Variants in ACTR3 observed in about 807,000 individuals in gnomAD.
ACTR3 encodes actin related protein 3, also known as actin-related protein 3.
ACTR3 carries 12 observed loss-of-function variants against 56.8 expected under a neutral mutation model. That is an observed-to-expected ratio of 0.21 (90% CI 0.14 to 0.34). The LOEUF is 0.34. Ranked by LOEUF, ACTR3 falls within the 10% of genes least tolerant of loss-of-function variation. The probability of loss-of-function intolerance (pLI) is 1.00; values close to 1 mark genes in which losing one functional copy is unlikely to be tolerated. For missense variants in ACTR3, 282 were observed against 512.5 expected, an observed-to-expected ratio of 0.55 and a Z score of 4.34; for synonymous variants, 162 against 167.4, an observed-to-expected ratio of 0.97 and a Z score of 0.25.
At chr2:113,899,100 T>C (rs1393804652) in intron 1 of ACTR3, among the ~76,000 whole-genome samples, 1 of 152,176 alleles carries the variant, frequency 6.6e-6, no homozygotes, top group Admixed American at 6.5e-5. Context: ...GAGGTCTTAG[T>C]GACCAGTTCA....
chr2:113,939,471 T>C (rs1476039928), intron 6 of ACTR3, among the ~76,000 whole-genome samples: 1 of 152,252 alleles, frequency 6.6e-6, no homozygotes, highest in African/African-American at 2.4e-5. Flanking sequence ...GTTATACTTC[T>C]GACACATCAG....
chr2:113,935,372 T>A (rs1679808291), intron 6 of ACTR3, among the ~76,000 whole-genome samples: 1 of 152,188 alleles, frequency 6.6e-6, no homozygotes, highest in African/African-American at 2.4e-5. Context: ...TCCCCTTGAT[T>A]CCTTCAGCCC....
chr2:113,933,939 C>T (rs1366461407), intron 5 of ACTR3: 1 of 182,580 alleles, frequency 5.5e-6, no homozygotes, highest in East Asian at 1.8e-4. Flanking sequence ...CTCGGCCTCC[C>T]AAAGTGCTGG....
At chr2:113,908,820 G>A (rs1381454921) in intron 1 of ACTR3, among the ~76,000 whole-genome samples, 2 of 151,980 alleles carry the variant, frequency 1.3e-5, no homozygotes, top group African/African-American at 4.8e-5. Flanking sequence ...TGAAGGTTGA[G>A]CCTTCAAAAC....
At chr2:113,945,936 C>T (rs1469266688) in intron 8 of ACTR3, among the ~76,000 whole-genome samples, 1 of 152,196 alleles carries the variant, frequency 6.6e-6, no homozygotes, top group African/African-American at 2.4e-5. Context: ...AGGATAATGG[C>T]CCCCAGCTCC....
chr2:113,941,386 T>A (rs772924773), intron 7 of ACTR3, among the ~76,000 whole-genome samples: 1 of 152,230 alleles, frequency 6.6e-6, no homozygotes, highest in African/African-American at 2.4e-5. Flanking sequence ...ATCATTTCTT[T>A]GTCATTCTCA....
intron 5 of ACTR3, among the ~76,000 whole-genome samples, chr2:113,932,005 G>A (rs1679731706): frequency 6.6e-6 from 1 of 151,318 alleles, no homozygotes; most frequent in Non-Finnish European, 1.5e-5. Flanking sequence ...TGTTTTTTGT[G>A]GAGGAAGAAA....
At chr2:113,940,145 T>C in intron 7 of ACTR3, 43 bp downstream of exon 7, 1 of 1,561,246 alleles carries the variant, frequency 6.4e-7, no homozygotes, top group South Asian at 1.2e-5. Context: ...AAAATTAAAA[T>C]CACATTTATA....
At chr2:113,950,030 C>T (rs748607077) in intron 8 of ACTR3, among the ~76,000 whole-genome samples, 3 of 152,112 alleles carry the variant, frequency 2.0e-5, no homozygotes, top group South Asian at 2.1e-4. Flanking sequence ...TTCTTGAGAG[C>T]GCTGAATTAG....
At chr2:113,929,923 C>T (rs1297108055) in intron 4 of ACTR3, among the ~76,000 whole-genome samples, 2 of 152,154 alleles carry the variant, frequency 1.3e-5, no homozygotes, top group Admixed American at 1.3e-4. Context: ...AAGTAATCTG[C>T]CCACCTCGGC....
At chr2:113,944,586 A>T in intron 8 of ACTR3, among the ~76,000 whole-genome samples, 2 of 107,588 alleles carry the variant, frequency 1.9e-5, no homozygotes, top group Admixed American at 9.3e-5. Flanking sequence ...GTCTCTACTA[A>T]AAAAAAAAAA....
chr2:113,898,735 A>G (rs1679051139), intron 1 of ACTR3, among the ~76,000 whole-genome samples: 1 of 152,160 alleles, frequency 6.6e-6, no homozygotes, highest in African/African-American at 2.4e-5. Flanking sequence ...ATTTTTCTTT[A>G]TGGTTTCAGA....
At chr2:113,891,758 T>C (rs1678906298) in intron 1 of ACTR3, among the ~76,000 whole-genome samples, 2 of 152,130 alleles carry the variant, frequency 1.3e-5, no homozygotes, top group African/African-American at 4.8e-5. Flanking sequence ...CCCAGTTAGG[T>C]AGAGAGAAAC....
chr2:113,907,697 G>T (rs1035590297), intron 1 of ACTR3, among the ~76,000 whole-genome samples: 1 of 152,004 alleles, frequency 6.6e-6, no homozygotes. Context: ...TGTTGGCCAC[G>T]CACGGTGGCT....
Position 113,890,254 on chromosome 2 carries a change from A to G in ACTR3, c.-26A>G, listed in dbSNP as rs1678858736. The G allele has an allele frequency of 7.1e-7, 1 of 1,410,426 alleles. No homozygotes were observed. Among genetic ancestry groups the G allele is most frequent in the African/African-American group, 1.5e-5 (1 of 68,188 alleles). The allele number at this position is 1,410,426 out of a possible 1,614,324, so 87.4% of individuals were successfully genotyped here. ...CTAGCAGCACGGAGCAGACGGCGGC[A>G]GCAGCAGCAGCAGGCGAGGAGGAAG... On this transcript the variant is annotated 5_prime_UTR_variant, in exon 1 of 12. Coordinates refer to ENST00000263238, the MANE Select transcript of ACTR3 (RefSeq NM_005721.5).
intron 1 of ACTR3, among the ~76,000 whole-genome samples, chr2:113,906,648 G>A (rs1679196463): frequency 6.6e-6 from 1 of 152,086 alleles, no homozygotes. Context: ...TTTGTGTATG[G>A]TGTAAGGTAA....
chr2:113,919,020 A>G (rs530536864), intron 3 of ACTR3, among the ~76,000 whole-genome samples: 21 of 152,332 alleles, frequency 1.4e-4, no homozygotes, highest in African/African-American at 4.8e-4. Context: ...ATGAACCCCC[A>G]TGTGCCTATC....
At chr2:113,900,073 A>G (rs1397437491) in intron 1 of ACTR3, among the ~76,000 whole-genome samples, 1 of 152,194 alleles carries the variant, frequency 6.6e-6, no homozygotes, top group East Asian at 1.9e-4. Flanking sequence ...ATTTTACTTT[A>G]TACAGCTTTA....
At chr2:113,917,037 A>G (rs760077250) in intron 3 of ACTR3, 29 bp downstream of exon 3, 20 of 1,566,608 alleles carry the variant, frequency 1.3e-5, no homozygotes, top group Non-Finnish European at 1.7e-5. Flanking sequence ...TATAAATAAC[A>G]TTTTCAAAAA....
Sources: gnomAD v4.1 joint callset for allele counts (sites outside exome capture counted in the v4.1 genomes callset) on GRCh38, gnomAD v4.1.1 for gene constraint, MANE v1.5 for transcripts, NCBI Gene and HGNC (gene_info 2026-07-23, HGNC 2026-07-21) for gene names.